Variants in MTOR observed in about 807,000 individuals in gnomAD.
The protein encoded by MTOR is serine/threonine-protein kinase mTOR.
A neutral mutation model predicts 319.8 loss-of-function variants in MTOR; 70 were observed. That is an observed-to-expected ratio of 0.22 (90% CI 0.18 to 0.27). The LOEUF is 0.27. Ranked by LOEUF, MTOR falls within the 10% of genes least tolerant of loss-of-function variation. The pLI, the probability that MTOR is intolerant of heterozygous loss-of-function variation, is 1.00. For synonymous variants in MTOR, 1,183 were observed against 1,211.4 expected (o/e 0.98, Z 0.49); for missense variants, 1,890 against 3,274.4 (o/e 0.58, Z 10.32).
chr1:11,183,345 C>T (rs1645216847), intron 28 of MTOR, among the ~76,000 whole-genome samples: 1 of 152,076 alleles, frequency 6.6e-6, no homozygotes, highest in African/African-American at 2.4e-5. Context: ...GTTGCCTAGG[C>T]TGGTTTCCAA....
chr1:11,145,838 G>T (rs1423140377), intron 32 of MTOR, among the ~76,000 whole-genome samples: 2 of 152,090 alleles, frequency 1.3e-5, no homozygotes, highest in African/African-American at 4.8e-5. Context: ...TTTCTTGCTG[G>T]GCATGTTTAT....
intron 45 of MTOR, 43 bp downstream of exon 45, chr1:11,126,967 A>T (rs773599470): frequency 4.3e-6 from 7 of 1,610,580 alleles, no homozygotes. Flanking sequence ...AACAGAAAGG[A>T]CTATAATGAC....
intron 29 of MTOR, among the ~76,000 whole-genome samples, chr1:11,166,312 C>G (rs1644641858): frequency 6.6e-6 from 1 of 152,132 alleles, no homozygotes; most frequent in Non-Finnish European, 1.5e-5. Context: ...AACAGGCAAC[C>G]TACAGAATGG....
At chr1:11,221,396 A>T (rs1435627554) in intron 19 of MTOR, among the ~76,000 whole-genome samples, 1 of 152,178 alleles carries the variant, frequency 6.6e-6, no homozygotes, top group Non-Finnish European at 1.5e-5. Context: ...ACTCAAGAAG[A>T]ATATCAACTG....
At chr1:11,235,188 C>G (rs907580691) in intron 13 of MTOR, among the ~76,000 whole-genome samples, 3 of 152,144 alleles carry the variant, frequency 2.0e-5, no homozygotes, top group Non-Finnish European at 4.4e-5. Flanking sequence ...AGGAAATGTG[C>G]CTCACGGAGC....
Position 11,141,431 on chromosome 1 carries a change from C to T in MTOR, c.4873-1773G>A, listed in dbSNP as rs1303069170. On this transcript the variant is annotated intron_variant, in intron 34 of 57. Transcript: ENST00000361445. ...TCTCCCAGGCTGGAGTGCAGTGGCTCGGTCTCGGCTCACTGCAACCTCTGC... is the reference window on the plus strand; with the variant it reads ...TCTCCCAGGCTGGAGTGCAGTGGCTTGGTCTCGGCTCACTGCAACCTCTGC... 4.6e-5 allele frequency among the ~76,000 whole-genome samples: 7 copies of T among 151,938 alleles called. 1 individual carries two copies. The highest frequency in any genetic ancestry group is 2.1e-4 in the South Asian group (1 of 4,816).
rs180913936 is a variant in MTOR, at chr1:11,213,369, T to C, written c.3285+30A>G. 2.5e-6 allele frequency: 4 copies of C among 1,594,118 alleles called. No individual in the cohort carries two copies. The African/African-American group carries it at 4.0e-5, about 16-fold the overall frequency. On this transcript the variant is annotated intron_variant, in intron 21 of 57. Coordinates refer to ENST00000361445, the MANE Select transcript of MTOR (RefSeq NM_004958.4). ...CAGGGACTCAGAGGAAATCAGAAAA[T>C]CTCTCTGGAGGATGACGTAGGCTAC...
chr1:11,194,364 G>C, intron 28 of MTOR: 1 of 1,125,284 alleles, frequency 8.9e-7, no homozygotes, highest in East Asian at 2.4e-5. Flanking sequence ...CCTATAAAAA[G>C]ATGTTTGGCT....
At chr1:11,153,411 T>A (rs2100550121) in intron 30 of MTOR, among the ~76,000 whole-genome samples, 1 of 152,334 alleles carries the variant, frequency 6.6e-6, no homozygotes, top group South Asian at 2.1e-4. Flanking sequence ...AGACTTTGAA[T>A]GCCAGGCTGT....
chr1:11,242,733 A>G (rs1266966137), intron 9 of MTOR, among the ~76,000 whole-genome samples: 2 of 152,234 alleles, frequency 1.3e-5, no homozygotes, highest in Non-Finnish European at 2.9e-5. Context: ...ATTCAACTTC[A>G]GCGATGAGGA....
intron 28 of MTOR, among the ~76,000 whole-genome samples, chr1:11,176,335 A>G (rs1300909763): frequency 2.6e-5 from 4 of 152,188 alleles, no homozygotes; most frequent in Admixed American, 1.3e-4. Flanking sequence ...TCTGGGGTTC[A>G]GAGCAAAGTG....
At chr1:11,170,768 C>T (rs1003187566) in intron 28 of MTOR, among the ~76,000 whole-genome samples, 4 of 150,830 alleles carry the variant, frequency 2.7e-5, no homozygotes, top group African/African-American at 9.8e-5. Context: ...TTCACTGCAA[C>T]CCCTGCCTCC....
At position 11,256,103 on chromosome 1, in the gene MTOR, C is replaced by G. The variant is rs1650363701; in HGVS notation, c.594G>C (p.Val198=). The change falls in exon 5 of 58, where the codon GTG becomes GTC. Residue 198 remains valine (V), a synonymous_variant. Coordinates refer to ENST00000361445, the MANE Select transcript of MTOR (RefSeq NM_004958.4). The part of the protein sequence containing the change: ...QPFFDNIFVA[V]WDPKQAIREG... ...CACGGATGGCCTGTTTGGGGTCCCA[C>G]ACGGCCACAAAAATGTTGTCAAAGA... 2 of 1,614,008 alleles carry G rather than the reference C, an allele frequency of 1.2e-6. No homozygotes were observed. Among genetic ancestry groups the G allele is most frequent in the African/African-American group, 1.3e-5 (1 of 74,914 alleles).
intron 25 of MTOR, among the ~76,000 whole-genome samples, chr1:11,206,781 T>C (rs1008770333): frequency 2.6e-5 from 4 of 152,198 alleles, no homozygotes; most frequent in African/African-American, 7.2e-5. Flanking sequence ...GCTGATCGCC[T>C]CATCTGGTGA....
intron 4 of MTOR, 54 bp from the exon 5 acceptor site, chr1:11,256,246 C>G (rs1363880554): frequency 6.4e-7 from 1 of 1,566,960 alleles, no homozygotes; most frequent in Non-Finnish European, 8.7e-7. Flanking sequence ...TTTGTTCTCT[C>G]AGGAGTACAG....
rs1385232529 is a variant in MTOR, at chr1:11,146,745, G to A, written c.4617C>T (p.Asp1539=). Residue 1539 remains aspartate, a synonymous_variant, in exon 32 of 58, where the codon GAC becomes GAT. Transcript: ENST00000361445. ...MEEYTCMIPR[D]THDGAFYRAV... ...CTCTATAAAATGCCCCATCATGGGT[G>A]TCCCGAGGGATCATACAGGTGTATT... 1.2e-6 allele frequency: 2 copies of A among 1,614,020 alleles called. No individual in the cohort carries two copies. Among genetic ancestry groups the A allele is most frequent in the Non-Finnish European group, 1.7e-6 (2 of 1,180,038 alleles).
chr1:11,154,862 A>G (rs970106472), intron 30 of MTOR, among the ~76,000 whole-genome samples: 4 of 151,820 alleles, frequency 2.6e-5, no homozygotes, highest in African/African-American at 4.8e-5. Flanking sequence ...AAAAAAAAAG[A>G]AGGCTGTGCA....
At chr1:11,238,314 CTA>C in intron 12 of MTOR, 86 bp downstream of exon 12, 1 of 1,381,360 alleles carries the variant, frequency 7.2e-7, no homozygotes. Context: ...CCGAAGAACT[CTA>C]GAGAGGCCAT....
chr1:11,188,367 A>G (rs2100694715), intron 28 of MTOR, among the ~76,000 whole-genome samples: 1 of 152,358 alleles, frequency 6.6e-6, no homozygotes, highest in South Asian at 2.1e-4. Flanking sequence ...TTTTTTAGAT[A>G]CAAAGTCATA....
Sources: allele counts gnomAD v4.1 joint callset (sites outside exome capture counted in the v4.1 genomes callset), GRCh38; gene constraint gnomAD v4.1.1; transcripts MANE v1.5; gene names NCBI Gene and HGNC (gene_info 2026-07-23, HGNC 2026-07-21).